Variants in ATRX observed in about 807,000 individuals in gnomAD.
ATRX encodes ATRX chromatin remodeler.
In ATRX, 12 loss-of-function variants were observed where a neutral mutation model predicts 172.6. The ratio of observed to expected loss-of-function variants is 0.07; its 90% CI spans 0.04 to 0.11. ATRX has a LOEUF of 0.11. Among genes scored for constraint, ATRX ranks in the 10% least tolerant of loss-of-function variants. The pLI is 1.00. For synonymous variants in ATRX, 674 were observed against 594.7 expected, an observed-to-expected ratio of 1.13 and a Z score of -1.94; for missense variants, 1,368 against 1,767.4, an observed-to-expected ratio of 0.77 and a Z score of 4.05.
In ATRX at chrX:77,557,498, G is replaced by A. The variant is rs1278007700; in HGVS notation, c.6652C>T (p.Pro2218Ser). 8.3e-7 allele frequency: 1 copy of A among 1,207,410 alleles called. No individual in the cohort carries two copies. Among genetic ancestry groups the A allele is most frequent in the African/African-American group, 1.8e-5 (1 of 56,695 alleles). ...YTFEPDLLDDPNSEKKKKRDT... is the reference protein window; with the variant it reads ...YTFEPDLLDDSNSEKKKKRDT... ...CTCTTCTTCTTCTTTTCTGAATTAG[G>A]GTCATCTAATAAGTCTGGCTCAAAA... Residue 2218 changes from proline (P) to serine (S), a missense_variant, in exon 30 of 35, where the codon CCT (proline) becomes TCT (serine). Transcript: ENST00000373344.
chrX:77,638,340 G>T (rs181558190), intron 15 of ATRX, among the ~76,000 whole-genome samples: 2 of 112,721 alleles, frequency 1.8e-5, no homozygotes, highest in African/African-American at 6.4e-5. Flanking sequence ...AAGCGCAGTG[G>T]CGCGCGCCTA....
chrX:77,696,829 T>G (rs1557150213), intron 4 of ATRX, 125 bp from the exon 5 acceptor site: 1 of 672,046 alleles, frequency 1.5e-6, no homozygotes, highest in African/African-American at 2.2e-5. Context: ...CAGAATCACC[T>G]AGGGAAGCAT....
intron 12 of ATRX, among the ~76,000 whole-genome samples, chrX:77,658,141 GT>G (rs1557120739): frequency 9.0e-6 from 1 of 111,336 alleles, no homozygotes; most frequent in African/African-American, 3.3e-5. Context: ...AGCCCAGGAG[GT>G]TGAGTCTGCA....
chrX:77,524,177 A>C (rs1489792712), intron 30 of ATRX, among the ~76,000 whole-genome samples: 5 of 111,867 alleles, frequency 4.5e-5, no homozygotes, highest in African/African-American at 1.6e-4. Context: ...GGGGGTTTAA[A>C]GTGAATTACA....
At position 77,742,129 on chromosome X, in the gene ATRX, C is replaced by T. The variant is rs188411292; in HGVS notation, c.21-24886G>A. On this transcript the variant is annotated intron_variant, in intron 1 of 34. Transcript: ENST00000373344. ...ATATTTAATGCCACTGAATTGTACA[C>T]TTAAAAATAATTAAAGTGATAAATA... 5.9e-3 allele frequency among the ~76,000 whole-genome samples: 655 copies of T among 111,328 alleles called. 3 individuals are homozygous for T. Among genetic ancestry groups the T allele is most frequent in the Middle Eastern group, 0.023 (5 of 216 alleles).
At chrX:77,720,972 T>C (rs1327316255) in intron 1 of ATRX, among the ~76,000 whole-genome samples, 1 of 111,620 alleles carries the variant, frequency 9.0e-6, no homozygotes, top group Non-Finnish European at 1.9e-5. Flanking sequence ...AAAAAGCTTA[T>C]CCACCACGAT....
At chrX:77,546,061 G>A (rs1429658965) in intron 30 of ATRX, among the ~76,000 whole-genome samples, 1 of 111,174 alleles carries the variant, frequency 9.0e-6, no homozygotes, top group Non-Finnish European at 1.9e-5. Flanking sequence ...TTAAAACGGT[G>A]TAAAGTCATA....
At position 77,520,778 on chromosome X, in the gene ATRX, GA is replaced by G. The variant is rs781816667; in HGVS notation, c.7200+9del. 1.2e-4 allele frequency: 140 copies of G among 1,205,114 alleles called. No homozygotes were observed. Among genetic ancestry groups the G allele is most frequent in the Non-Finnish European group, 1.4e-4 (129 of 892,296 alleles). On this transcript the variant is annotated intron_variant, in intron 34 of 34. Coordinates refer to ENST00000373344, the MANE Select transcript of ATRX (RefSeq NM_000489.6). ...ATAACCTAGAAATAGTCAGACGTCA[GA>G]ATTCTTACCATCTGTTGTTTTGTCA...
In ATRX at chrX:77,682,415, C is replaced by T; in HGVS notation, c.2841G>A (p.Lys947=). ...RKVAETKEKS[K]HLKTKTCKKV... is the part of the protein sequence containing the mutation. The stretch of plus-strand genomic sequence containing the variant: ...TTTTACATGTTTTGGTTTTGAGATG[C>T]TTGCTCTTTTCTTTAGTTTCAGCAA... The change falls in exon 9 of 35, where the codon AAG becomes AAA. Residue 947 remains lysine (K), a synonymous_variant. Coordinates refer to ENST00000373344, the MANE Select transcript of ATRX (RefSeq NM_000489.6). 8.3e-7 allele frequency: 1 copy of T among 1,211,230 alleles called. No individual in the cohort carries two copies. The highest frequency in any genetic ancestry group is 1.7e-5 in the African/African-American group (1 of 57,695).
intron 10 of ATRX, among the ~76,000 whole-genome samples, chrX:77,670,919 G>A (rs1412015875): frequency 1.9e-5 from 2 of 104,404 alleles, no homozygotes; most frequent in South Asian, 4.4e-4. Flanking sequence ...AGGCTGAGGC[G>A]GGTGGATCAC....
chrX:77,671,167 AATATATATATATATATAT>A (rs3063061), intron 10 of ATRX, among the ~76,000 whole-genome samples: 1 of 15,735 alleles, frequency 6.4e-5, no homozygotes, highest in African/African-American at 2.1e-4. Context: ...AAAAAAAAAA[AATATATATATATATATAT>A]ATATATATAT....
intron 1 of ATRX, among the ~76,000 whole-genome samples, chrX:77,737,460 T>A (rs1484824661): frequency 1.2e-5 from 1 of 80,700 alleles, no homozygotes; most frequent in Non-Finnish European, 2.4e-5. Flanking sequence ...TAGTATTTGA[T>A]GGCACAACAG....
intron 2 of ATRX, among the ~76,000 whole-genome samples, chrX:77,716,474 G>A (rs781993574): frequency 1.9e-5 from 2 of 107,616 alleles, no homozygotes; most frequent in African/African-American, 3.4e-5. Flanking sequence ...TCTTATGTTG[G>A]GTGTGATGGC....
In ATRX at chrX:77,633,635, A is replaced by G; in HGVS notation, c.4887T>C (p.Asn1629=). 1 of 1,210,729 alleles carries G rather than the reference A, an allele frequency of 8.3e-7. No homozygotes were observed. The highest frequency in any genetic ancestry group is 1.8e-5 in the South Asian group (1 of 56,950). The change falls in exon 18 of 35, where the codon AAT becomes AAC. Residue 1629 remains asparagine (N), a synonymous_variant. Coordinates refer to ENST00000373344, the MANE Select transcript of ATRX (RefSeq NM_000489.6). ...FSTALVVCPL[N]TALNWMNEFE... ...ATTCATTCATCCAATTCAAAGCAGT[A>G]TTAAGAGGACAAACCACTAACGCCG... is the stretch of plus-strand genomic sequence containing the variant.
intron 30 of ATRX, among the ~76,000 whole-genome samples, chrX:77,539,480 T>C (rs1219235628): frequency 9.1e-6 from 1 of 109,624 alleles, no homozygotes; most frequent in African/African-American, 3.3e-5. Flanking sequence ...AGGTAGAACA[T>C]ATAAGAGGTA....
At chrX:77,545,888 A>C (rs1410416694) in intron 30 of ATRX, among the ~76,000 whole-genome samples, 5 of 111,144 alleles carry the variant, frequency 4.5e-5, no homozygotes, top group African/African-American at 1.6e-4. Context: ...TGCTACACTG[A>C]CTTAGGGCTA....
At chrX:77,591,354 T>C (rs782242762) in intron 26 of ATRX, among the ~76,000 whole-genome samples, 7 of 112,154 alleles carry the variant, frequency 6.2e-5, no homozygotes, top group Non-Finnish European at 1.3e-4. Context: ...AGGTCTTCTA[T>C]TGCCCTTTAT....
chrX:77,590,010 T>A (rs1557079349), intron 26 of ATRX, 70 bp from the exon 27 acceptor site: 3 of 901,992 alleles, frequency 3.3e-6, no homozygotes, highest in Non-Finnish European at 4.7e-6. Flanking sequence ...CCTAAATCGA[T>A]CTACAAATTT....
intron 34 of ATRX, among the ~76,000 whole-genome samples, chrX:77,517,587 A>G (rs1311532224): frequency 8.9e-6 from 1 of 112,116 alleles, no homozygotes; most frequent in African/African-American, 3.2e-5. Flanking sequence ...GAATTTTACC[A>G]AACGTTTAAA....
Sources: gnomAD v4.1 joint callset for allele counts (sites outside exome capture counted in the v4.1 genomes callset) on GRCh38, gnomAD v4.1.1 for gene constraint, MANE v1.5 for transcripts, NCBI Gene and HGNC (gene_info 2026-07-23, HGNC 2026-07-21) for gene names.